The following AGMO variants were observed in gnomAD, a reference collection of about 807,000 sequenced individuals.
The protein encoded by AGMO is glyceryl-ether monooxygenase.
In AGMO, 75 loss-of-function variants were observed where a neutral mutation model predicts 60.2. The ratio of observed to expected loss-of-function variants is 1.25; its 90% CI spans 1.03 to 1.51. AGMO has a LOEUF of 1.51. AGMO is among the 40% of genes most tolerant of loss of function. The pLI, the probability that AGMO is intolerant of heterozygous loss-of-function variation, is 0.00. For missense variants in AGMO, 763 were observed against 525.5 expected (o/e 1.45, Z -4.42); for synonymous variants, 261 against 177.1 (o/e 1.47, Z -3.76).
At chr7:15,376,021 C>CA (rs1319996840) in intron 10 of AGMO, among the ~76,000 whole-genome samples, 2 of 152,038 alleles carry the variant, frequency 1.3e-5, no homozygotes, top group African/African-American at 2.4e-5. Context: ...ATGTAGTGGA[C>CA]AAAAAATAAT....
chr7:15,343,421 G>A (rs1272814040), intron 12 of AGMO, among the ~76,000 whole-genome samples: 2 of 152,280 alleles, frequency 1.3e-5, no homozygotes, highest in East Asian at 3.9e-4. Context: ...ATATAAGGCA[G>A]ACAGCCCCAA....
intron 3 of AGMO, among the ~76,000 whole-genome samples, chr7:15,457,031 T>C (rs1256588815): frequency 6.6e-6 from 1 of 152,196 alleles, no homozygotes; most frequent in East Asian, 1.9e-4. Context: ...TTTTCTATTG[T>C]AAACTAGGAT....
chr7:15,397,603 CT>C (rs887293760), intron 5 of AGMO, among the ~76,000 whole-genome samples: 2 of 152,346 alleles, frequency 1.3e-5, no homozygotes, highest in African/African-American at 4.8e-5. Context: ...TTCATTCCTT[CT>C]TCCTTTTCTC....
chr7:15,226,608 G>C (rs1013627936), intron 12 of AGMO, among the ~76,000 whole-genome samples: 11 of 152,016 alleles, frequency 7.2e-5, no homozygotes, highest in African/African-American at 2.7e-4. Flanking sequence ...CAGATATGGA[G>C]CTTAAAGAGA....
the AGMO span, among the ~76,000 whole-genome samples, chr7:15,163,414 T>C: frequency 6.6e-6 from 1 of 152,144 alleles, no homozygotes; most frequent in Admixed American, 6.6e-5. Flanking sequence ...TTAGGGGGAA[T>C]ACTTCCAACT....
At chr7:15,412,956 T>C (rs1780656446) in intron 5 of AGMO, among the ~76,000 whole-genome samples, 1 of 152,048 alleles carries the variant, frequency 6.6e-6, no homozygotes, top group Non-Finnish European at 1.5e-5. Context: ...TGACAATAAA[T>C]TACTAGATGT....
intron 12 of AGMO, among the ~76,000 whole-genome samples, chr7:15,227,358 A>G (rs563430916): frequency 6.6e-6 from 1 of 152,184 alleles, no homozygotes; most frequent in South Asian, 2.1e-4. Flanking sequence ...CAAGCTGTGT[A>G]TATGGTTATT....
At chr7:15,387,316 T>C (rs986089435) in intron 9 of AGMO, 90 bp downstream of exon 9, 16 of 1,412,756 alleles carry the variant, frequency 1.1e-5, no homozygotes, top group Non-Finnish European at 1.5e-5. Context: ...TTTTACAGAT[T>C]TGCATGAAAA....
chr7:15,473,922 G>C (rs1451214700), intron 3 of AGMO, among the ~76,000 whole-genome samples: 1 of 152,018 alleles, frequency 6.6e-6, no homozygotes, highest in African/African-American at 2.4e-5. Context: ...CAATCAGAGA[G>C]CTAAATCAAG....
chr7:15,507,399 T>A (rs1783543088), intron 3 of AGMO, among the ~76,000 whole-genome samples: 4 of 152,050 alleles, frequency 2.6e-5, no homozygotes. Flanking sequence ...CAAACTTGAA[T>A]CTTATCCAGC....
At chr7:15,269,271 T>C (rs1002524717) in intron 12 of AGMO, among the ~76,000 whole-genome samples, 2 of 152,112 alleles carry the variant, frequency 1.3e-5, no homozygotes, top group African/African-American at 4.8e-5. Context: ...ATCAATAGTC[T>C]TTTCTTCCAG....
At chr7:15,216,458 G>C (rs368651786) in intron 12 of AGMO, among the ~76,000 whole-genome samples, 2 of 151,942 alleles carry the variant, frequency 1.3e-5, no homozygotes, top group African/African-American at 2.4e-5. Flanking sequence ...AAATCCAAGA[G>C]CCTTGATTTT....
At chr7:15,289,296 G>T (rs1784189517) in intron 12 of AGMO, among the ~76,000 whole-genome samples, 1 of 150,758 alleles carries the variant, frequency 6.6e-6, no homozygotes, top group African/African-American at 2.4e-5. Context: ...TTTCTTTATA[G>T]AATTAAATGA....
At chr7:15,147,476 A>G in the AGMO span, among the ~76,000 whole-genome samples, 1 of 152,112 alleles carries the variant, frequency 6.6e-6, no homozygotes, top group East Asian at 1.9e-4. Flanking sequence ...CTTATTCACT[A>G]TCCCAAGAAG....
intron 3 of AGMO, among the ~76,000 whole-genome samples, chr7:15,536,259 G>A (rs1224349519): frequency 6.6e-6 from 1 of 151,788 alleles, no homozygotes; most frequent in Non-Finnish European, 1.5e-5. Context: ...GTTAATAAGT[G>A]TCAGTACAAA....
At chr7:15,263,965 C>T (rs1783358228) in intron 12 of AGMO, among the ~76,000 whole-genome samples, 1 of 151,942 alleles carries the variant, frequency 6.6e-6, no homozygotes, top group Non-Finnish European at 1.5e-5. Context: ...CTACAGAGTA[C>T]ACTGCTTGGT....
At chr7:15,190,951 G>C in the AGMO span, among the ~76,000 whole-genome samples, 3 of 152,036 alleles carry the variant, frequency 2.0e-5, no homozygotes, top group South Asian at 6.2e-4. Flanking sequence ...CACACATCTA[G>C]TAAGTGGCTA....
chr7:15,190,152 TATATATTTATA>T, the AGMO span, among the ~76,000 whole-genome samples: 1 of 1,556 alleles, frequency 6.4e-4, no homozygotes, highest in Non-Finnish European at 1.3e-3. Context: ...TATATATATA[TATATATTTATA>T]TATATATATA....
chr7:15,194,495 G>C, the AGMO span, among the ~76,000 whole-genome samples: 3 of 151,938 alleles, frequency 2.0e-5, no homozygotes, highest in African/African-American at 4.8e-5. Flanking sequence ...TCCCCTTTGA[G>C]CATGAATATC....
Sources: gnomAD v4.1 joint callset for allele counts (sites outside exome capture counted in the v4.1 genomes callset) on GRCh38, gnomAD v4.1.1 for gene constraint, MANE v1.5 for transcripts, NCBI Gene and HGNC (gene_info 2026-07-23, HGNC 2026-07-21) for gene names.